TCP11L2: variants seen among roughly 807,000 people sequenced by gnomAD.
The protein encoded by TCP11L2 is t-complex 11 like 2.
In TCP11L2, 39 loss-of-function variants were observed where a neutral mutation model predicts 50.7. The ratio of observed to expected loss-of-function variants is 0.77; its 90% CI spans 0.60 to 1.01. TCP11L2 has a LOEUF of 1.01. Among genes scored for constraint, TCP11L2 ranks in the 50% least tolerant of loss-of-function variants. TCP11L2 has a pLI of 0.00. For synonymous variants in TCP11L2, 192 were observed against 219.3 expected (o/e 0.88, Z 1.10); for missense variants, 612 against 614.7 (o/e 1.00, Z 0.05).
At chr12:106,335,422 T>C (rs1209001582) in intron 6 of TCP11L2, among the ~76,000 whole-genome samples, 2 of 152,180 alleles carry the variant, frequency 1.3e-5, no homozygotes, top group East Asian at 3.9e-4. Context: ...GATTCTTTCC[T>C]GGACAGCCTC....
At chr12:106,324,777 T>A (rs2035478863) in intron 6 of TCP11L2, 1 of 152,154 alleles carries the variant, frequency 6.6e-6, no homozygotes, top group Non-Finnish European at 1.5e-5. Flanking sequence ...AGGGTGACTC[T>A]AAGGTTTTTG....
At chr12:106,345,271 C>T (rs11112945) in intron 9 of TCP11L2, among the ~76,000 whole-genome samples, 32,078 of 152,094 alleles carry the variant, frequency 0.21, 3,578 homozygotes, top group African/African-American at 0.24. Flanking sequence ...GCTGGGATTA[C>T]AGGTGTGAGC....
chr12:106,316,464 C>A (rs926887877), intron 3 of TCP11L2, among the ~76,000 whole-genome samples: 3 of 152,112 alleles, frequency 2.0e-5, no homozygotes, highest in African/African-American at 7.2e-5. Context: ...CCTCAGGGTT[C>A]ACCAATCTGG....
In TCP11L2 at chr12:106,346,401, C is replaced by G; in HGVS notation, c.1431C>G (p.Gly477=). Residue 477 remains glycine (G), a synonymous_variant, in exon 10 of 10, where the codon GGC becomes GGG. Transcript: ENST00000299045. ...TTCAGCAGGAGCTAGAAGCCCTAGG[C>G]TCTCAATATGCAAACATTGTGAATC... ...AVIQQELEAL[G]SQYANIVNLN... is the part of the protein sequence containing the mutation. 1 of 1,614,176 alleles carries G rather than the reference C, an allele frequency of 6.2e-7. No individual in the cohort carries two copies. Among genetic ancestry groups the G allele is most frequent in the South Asian group, 1.1e-5 (1 of 91,084 alleles).
intron 1 of TCP11L2, chr12:106,307,483 C>T (rs1331788614): frequency 6.6e-6 from 1 of 152,206 alleles, no homozygotes; most frequent in African/African-American, 2.4e-5. Flanking sequence ...CTTAAAGATA[C>T]AGCCTGGTTT....
At chr12:106,313,726 G>C (rs758935932) in intron 2 of TCP11L2, among the ~76,000 whole-genome samples, 42 of 149,714 alleles carry the variant, frequency 2.8e-4, no homozygotes, top group Admixed American at 8.6e-4. Context: ...CATATAATAA[G>C]TGCAGATTTC....
rs1221046122 is a variant in TCP11L2 at position 106,346,599 on chromosome 12, G to T, written c.*69G>T. 3 of 1,540,598 alleles carry T rather than the reference G, an allele frequency of 1.9e-6. No individual in the cohort carries two copies. The highest frequency in any genetic ancestry group is 2.6e-6 in the Non-Finnish European group (3 of 1,148,092). On this transcript the variant is annotated 3_prime_UTR_variant, in exon 10 of 10. Transcript: ENST00000299045. ...GGTATCCAGTCCACTTCCATTGATG[G>T]CATTAGAGATCCAGCACATTCTCAG...
At chr12:106,322,211 C>T (rs1316328300) in intron 5 of TCP11L2, among the ~76,000 whole-genome samples, 2 of 152,170 alleles carry the variant, frequency 1.3e-5, no homozygotes, top group East Asian at 1.9e-4. Flanking sequence ...CAACCCTCCA[C>T]GTGTCATCCA....
intron 1 of TCP11L2, among the ~76,000 whole-genome samples, chr12:106,305,414 G>A (rs2034588659): frequency 6.6e-6 from 1 of 152,156 alleles, no homozygotes; most frequent in African/African-American, 2.4e-5. Context: ...AATTTTTGGT[G>A]CCTTGCAAAT....
intron 6 of TCP11L2, among the ~76,000 whole-genome samples, chr12:106,332,990 A>T (rs1592969198): frequency 6.6e-6 from 1 of 152,188 alleles, no homozygotes; most frequent in South Asian, 2.1e-4. Context: ...TTGAGGTGAG[A>T]GTGTGACTAC....
At chr12:106,307,056 GA>G (rs2034659563) in intron 1 of TCP11L2, among the ~76,000 whole-genome samples, 1 of 152,204 alleles carries the variant, frequency 6.6e-6, no homozygotes, top group African/African-American at 2.4e-5. Flanking sequence ...TATCTGTAGT[GA>G]AATACAGCAC....
intron 1 of TCP11L2, among the ~76,000 whole-genome samples, chr12:106,305,832 C>G (rs187924552): frequency 6.6e-6 from 1 of 152,126 alleles, no homozygotes; most frequent in Non-Finnish European, 1.5e-5. Context: ...TATGAGTGCC[C>G]CGAAATAGGA....
upstream of TCP11L2, among the ~76,000 whole-genome samples, chr12:106,298,814 T>C (rs1211508550): frequency 2.0e-5 from 3 of 151,904 alleles, no homozygotes; most frequent in Admixed American, 6.6e-5. Flanking sequence ...TGAACCACCA[T>C]GCCCGGCCAT....
Position 106,340,870 on chromosome 12 carries a change from C to T in TCP11L2, c.1187C>T (p.Thr396Ile), listed in dbSNP as rs2036074078. Residue 396 changes from threonine to isoleucine, a missense_variant, in exon 9 of 10, where the codon ACT becomes ATT. Thr to Ile is a moderately conservative substitution (Grantham distance 89). Transcript: ENST00000299045. Reference protein sequence around the residue: ...KEVLNSIGIQTCVEVNKTLME... With the variant: ...KEVLNSIGIQICVEVNKTLME... ...GTCCTGAATTCTATTGGTATTCAGA[C>T]TTGTGTTGAGGTTAACAAGACCCTG... 3 of 1,612,400 alleles carry T rather than the reference C, an allele frequency of 1.9e-6. No individual in the cohort carries two copies. The highest frequency in any genetic ancestry group is 2.5e-6 in the Non-Finnish European group (3 of 1,179,514).
chr12:106,311,017 C>T (rs73197513), intron 1 of TCP11L2, 24 bp from the exon 2 acceptor site: 92,077 of 1,574,444 alleles, frequency 0.058, 3,320 homozygotes, highest in Non-Finnish European at 0.072. Flanking sequence ...AGAACATTGA[C>T]GCAGGGTCTG....
intron 8 of TCP11L2, 81 bp downstream of exon 8, chr12:106,336,294 A>C: frequency 7.6e-7 from 1 of 1,315,086 alleles, no homozygotes; most frequent in Non-Finnish European, 1.0e-6. Context: ...GACCTTGGAC[A>C]TCTGGATGTG....
chr12:106,299,194 A>C (rs1251896444), upstream of TCP11L2, among the ~76,000 whole-genome samples: 1 of 152,162 alleles, frequency 6.6e-6, no homozygotes, highest in Non-Finnish European at 1.5e-5. Context: ...CTCTTAAGGA[A>C]GACCATGAGG....
In TCP11L2 at chr12:106,346,570, C is replaced by A; in HGVS notation, c.*40C>A. 1 of 1,582,836 alleles carries A rather than the reference C, an allele frequency of 6.3e-7. No homozygotes were observed. Among genetic ancestry groups the A allele is most frequent in the Non-Finnish European group, 8.6e-7 (1 of 1,167,202 alleles). ...TGGACGAGAGATTGGAAATCCAGTA[C>A]TTTGGTATCCAGTCCACTTCCATTG... On this transcript the variant is annotated 3_prime_UTR_variant, in exon 10 of 10. Coordinates refer to ENST00000299045, the MANE Select transcript of TCP11L2 (RefSeq NM_152772.3).
At chr12:106,316,773 T>G (rs2035101080) in intron 3 of TCP11L2, among the ~76,000 whole-genome samples, 1 of 152,206 alleles carries the variant, frequency 6.6e-6, no homozygotes, top group African/African-American at 2.4e-5. Context: ...ACTGTAGTAT[T>G]CCCAGTTCCT....
Sources: gnomAD v4.1 joint callset for allele counts (sites outside exome capture counted in the v4.1 genomes callset) on GRCh38, gnomAD v4.1.1 for gene constraint, MANE v1.5 for transcripts, NCBI Gene and HGNC (gene_info 2026-07-23, HGNC 2026-07-21) for gene names.